SMC6: variants seen among roughly 807,000 people sequenced by gnomAD.
The protein encoded by SMC6 is structural maintenance of chromosomes 6.
SMC6 carries 79 observed loss-of-function variants against 142.2 expected under a neutral mutation model. The observed-to-expected ratio is 0.56, with a 90% confidence interval of 0.46 to 0.67. The LOEUF (loss-of-function observed/expected upper bound fraction) is 0.67. Ranked by LOEUF, SMC6 falls within the 30% of genes least tolerant of loss-of-function variation. The pLI, the probability that SMC6 is intolerant of heterozygous loss-of-function variation, is 0.00. For missense variants in SMC6, 1,072 were observed against 1,284.0 expected (o/e 0.83, Z 2.52); for synonymous variants, 411 against 412.4 (o/e 1.00, Z 0.04).
intron 16 of SMC6, among the ~76,000 whole-genome samples, chr2:17,714,438 A>G (rs1007120410): frequency 6.6e-6 from 1 of 152,212 alleles, no homozygotes; most frequent in African/African-American, 2.4e-5. Flanking sequence ...CAAAGAAGCC[A>G]GTTTGGGTAC....
Position 17,695,250 on chromosome 2 carries a change from T to C in SMC6, c.2580A>G (p.Val860=). 6.2e-7 allele frequency: 1 copy of C among 1,613,682 alleles called. No individual in the cohort carries two copies. Among genetic ancestry groups the C allele is most frequent in the Non-Finnish European group, 8.5e-7 (1 of 1,179,830 alleles). ...ARQICPERIE[V]EKSASILDKE... ...TGTCCAGAATTGATGCAGATTTTTCTACTTCTATACGCTCTGGGCAGATTT... is the reference window on the plus strand; with the variant it reads ...TGTCCAGAATTGATGCAGATTTTTCCACTTCTATACGCTCTGGGCAGATTT... The change falls in exon 23 of 28, where the codon GTA becomes GTG. Residue 860 remains valine (V), a synonymous_variant. Coordinates refer to ENST00000448223, the MANE Select transcript of SMC6 (RefSeq NM_001142286.2).
rs200291411 is a variant in SMC6, at chr2:17,695,227, T to C, written c.2603A>G (p.Asp868Gly). ...CTGCCTTAATCGATTAATTTCTTTG[T>C]CCAGAATTGATGCAGATTTTTCTAC... ...IEVEKSASIL[D>G]KEINRLRQKI... The change falls in exon 23 of 28, where the codon GAC becomes GGC. Residue 868 changes from aspartate (D) to glycine (G), a missense_variant. Physicochemically the swap from Asp to Gly is moderately conservative, Grantham distance 94 (BLOSUM62 -1). This residue lies in a region of SMC6 where 994 missense variants were observed against 1,153.2 expected (regional missense o/e 0.86). Transcript: ENST00000448223. The C allele has an allele frequency of 1.2e-6, 2 of 1,613,724 alleles. No individual in the cohort carries two copies. The highest frequency in any genetic ancestry group is 1.7e-6 in the Non-Finnish European group (2 of 1,179,832).
At chr2:17,688,808 C>CA (rs962126014) in intron 23 of SMC6, among the ~76,000 whole-genome samples, 4 of 152,062 alleles carry the variant, frequency 2.6e-5, no homozygotes, top group Non-Finnish European at 4.4e-5. Context: ...TTGCAAAGTC[C>CA]ATATTGCAAA....
chr2:17,697,409 C>A (rs1668056351), intron 21 of SMC6, among the ~76,000 whole-genome samples: 1 of 151,924 alleles, frequency 6.6e-6, no homozygotes, highest in African/African-American at 2.4e-5. Context: ...TATCTATATA[C>A]TAGGAATAAT....
rs74501429 is a variant in SMC6 at position 17,698,823 on chromosome 2, C to T, written c.2394+1385G>A. Among the ~76,000 whole-genome samples, 263 of 152,174 alleles carry T rather than the reference C, an allele frequency of 1.7e-3. 2 individuals carry two copies. The highest frequency in any genetic ancestry group is 5.3e-3 in the African/African-American group (219 of 41,564). ...ATTCCATCTCGATTTATCTGTAGTA[C>T]GTTTTAGTGCATCTCCTTGTATAGC... On this transcript the variant is annotated intron_variant, in intron 21 of 27. Transcript: ENST00000448223.
At chr2:17,700,132 C>T in intron 21 of SMC6, 76 bp downstream of exon 21, 5 of 957,468 alleles carry the variant, frequency 5.2e-6, no homozygotes, top group Non-Finnish European at 5.9e-6. Flanking sequence ...TCTTTTAGGC[C>T]AATATCCATA....
intron 4 of SMC6, among the ~76,000 whole-genome samples, chr2:17,741,151 A>G (rs950064950): frequency 3.2e-4 from 49 of 152,336 alleles, no homozygotes; most frequent in African/African-American, 1.1e-3. Context: ...CTTCTTGCCA[A>G]TAAGACCTAA....
chr2:17,700,316 T>G lies in SMC6; in HGVS notation c.2286A>C (p.Gln762His). 3.1e-6 allele frequency: 5 copies of G among 1,611,806 alleles called. No individual in the cohort carries two copies. Among genetic ancestry groups the G allele is most frequent in the East Asian group, 2.2e-5 (1 of 44,588 alleles). ...MKMVEEHMEQ[Q>H]KENMEHLKSL... Reference sequence around the variant, plus strand: ...TTTTAAGATGCTCCATATTTTCTTTTTGTTGCTCCATATGTTCCTCAACCA... The same window carrying G: ...TTTTAAGATGCTCCATATTTTCTTTGTGTTGCTCCATATGTTCCTCAACCA... The change falls in exon 21 of 28, where the codon CAA becomes CAC. Residue 762 changes from glutamine to histidine, a missense_variant. Around this residue, in one of 3 missense-constraint regions of SMC6, gnomAD observed 994 missense variants for 1,153.2 expected, o/e 0.86. Coordinates refer to ENST00000448223, the MANE Select transcript of SMC6 (RefSeq NM_001142286.2).
At chr2:17,727,961 G>C (rs1324848583) in intron 7 of SMC6, among the ~76,000 whole-genome samples, 1 of 152,074 alleles carries the variant, frequency 6.6e-6, no homozygotes, top group African/African-American at 2.4e-5. Context: ...AGCCCCCCCA[G>C]CTCTTCATTT....
At chr2:17,690,690 G>A (rs572393079) in intron 23 of SMC6, among the ~76,000 whole-genome samples, 20 of 151,538 alleles carry the variant, frequency 1.3e-4, no homozygotes, top group East Asian at 1.2e-3. Flanking sequence ...ATAATGTACC[G>A]AATAGACAAA....
chr2:17,744,956 A>C (rs1031316549), intron 3 of SMC6, among the ~76,000 whole-genome samples: 4 of 152,188 alleles, frequency 2.6e-5, no homozygotes, highest in African/African-American at 9.7e-5. Context: ...TTCTTTTTAC[A>C]TATAGTTGGC....
intron 4 of SMC6, among the ~76,000 whole-genome samples, chr2:17,741,289 TTTAG>T (rs1156687246): frequency 2.6e-5 from 4 of 152,228 alleles, no homozygotes; most frequent in African/African-American, 4.8e-5. Flanking sequence ...TCTTACAATG[TTTAG>T]TAAGGCAAGA....
intron 25 of SMC6, 103 bp from the exon 26 acceptor site, chr2:17,670,678 G>T (rs976237172): frequency 1.5e-5 from 18 of 1,168,334 alleles, no homozygotes; most frequent in Non-Finnish European, 2.1e-5. Context: ...GTAAAAAGGA[G>T]ATGGGAATAA....
At chr2:17,668,358 A>G (rs1666598325) in intron 26 of SMC6, among the ~76,000 whole-genome samples, 1 of 152,212 alleles carries the variant, frequency 6.6e-6, no homozygotes, top group African/African-American at 2.4e-5. Context: ...ACTATTATAC[A>G]GCACTCACAG....
At chr2:17,738,390 C>T (rs562656946) in intron 4 of SMC6, 64 bp from the exon 5 acceptor site, 1 of 1,067,408 alleles carries the variant, frequency 9.4e-7, no homozygotes, top group Admixed American at 2.4e-5. Flanking sequence ...CTGACTCCTA[C>T]CATGTAATGC....
At chr2:17,706,758 G>A (rs1035946991) in intron 18 of SMC6, among the ~76,000 whole-genome samples, 2 of 151,862 alleles carry the variant, frequency 1.3e-5, no homozygotes, top group Non-Finnish European at 2.9e-5. Flanking sequence ...TATTTTCCTA[G>A]GCATGTGTTC....
chr2:17,678,849 G>A lies in SMC6; in HGVS notation c.2910+10C>T. The A allele has an allele frequency of 6.5e-7, 1 of 1,539,940 alleles. No individual in the cohort carries two copies. The highest frequency in any genetic ancestry group is 8.9e-7 in the Non-Finnish European group (1 of 1,121,646). On this transcript the variant is annotated intron_variant, in intron 25 of 27. Coordinates refer to ENST00000448223, the MANE Select transcript of SMC6 (RefSeq NM_001142286.2). ...CTAATGATTAGGATGAAAAGAATTA[G>A]GATACTTACTGATATACTTAGAGTT...
intron 23 of SMC6, among the ~76,000 whole-genome samples, chr2:17,686,515 C>G (rs1011308203): frequency 6.6e-6 from 1 of 152,106 alleles, no homozygotes; most frequent in African/African-American, 2.4e-5. Context: ...ATTCAAAATA[C>G]TTCAAAATCT....
chr2:17,711,475 G>A (rs183993103), intron 16 of SMC6, among the ~76,000 whole-genome samples: 5 of 152,128 alleles, frequency 3.3e-5, no homozygotes, highest in Admixed American at 2.6e-4. Flanking sequence ...GGCCTCACTG[G>A]TAAGCGGAGT....
Sources: allele counts gnomAD v4.1 joint callset (sites outside exome capture counted in the v4.1 genomes callset), GRCh38; gene constraint gnomAD v4.1.1; regional missense constraint gnomAD v4.1.1; transcripts MANE v1.5; gene names NCBI Gene and HGNC (gene_info 2026-07-23, HGNC 2026-07-21).